Variants in PRKG1 observed in about 807,000 individuals in gnomAD.
PRKG1 encodes cGMP-dependent protein kinase 1.
PRKG1 carries 35 observed loss-of-function variants against 88.1 expected under a neutral mutation model. That is an observed-to-expected ratio of 0.40 (90% CI 0.30 to 0.53). The LOEUF is 0.53. Ranked by LOEUF, PRKG1 falls within the 20% of genes least tolerant of loss-of-function variation. The pLI, the probability that PRKG1 is intolerant of heterozygous loss-of-function variation, is 0.59. For synonymous variants in PRKG1, 303 were observed against 292.5 expected, an observed-to-expected ratio of 1.04 and a Z score of -0.37; for missense variants, 540 against 839.8, an observed-to-expected ratio of 0.64 and a Z score of 4.41.
chr10:51,559,054 T>C (rs1837389481), intron 3 of PRKG1, among the ~76,000 whole-genome samples: 1 of 152,100 alleles, frequency 6.6e-6, no homozygotes, highest in East Asian at 1.9e-4. Flanking sequence ...GGTTCTCTTT[T>C]ATTATTAGTT....
chr10:52,135,921 T>A (rs73342998), intron 8 of PRKG1, among the ~76,000 whole-genome samples: 3 of 152,144 alleles, frequency 2.0e-5, no homozygotes, highest in Admixed American at 6.6e-5. Context: ...TTTGGGGAAA[T>A]CCTTTCATTT....
intron 4 of PRKG1, among the ~76,000 whole-genome samples, chr10:51,810,548 C>T (rs1839427087): frequency 1.3e-5 from 2 of 152,116 alleles, no homozygotes; most frequent in Non-Finnish European, 2.9e-5. Flanking sequence ...TGTAAAGCTT[C>T]CTTATTCTTT....
intron 2 of PRKG1, among the ~76,000 whole-genome samples, chr10:51,250,306 G>C (rs981418483): frequency 1.6e-4 from 24 of 151,870 alleles, no homozygotes; most frequent in Non-Finnish European, 2.8e-4. Flanking sequence ...GTTTAGCAAC[G>C]TATCAATTTA....
At chr10:52,275,200 T>C (rs1483555592) in intron 12 of PRKG1, among the ~76,000 whole-genome samples, 3 of 152,154 alleles carry the variant, frequency 2.0e-5, no homozygotes, top group Non-Finnish European at 4.4e-5. Flanking sequence ...GTCCCAGCTA[T>C]TTATCTTTGT....
intron 9 of PRKG1, among the ~76,000 whole-genome samples, chr10:52,222,251 C>T (rs1840264084): frequency 6.6e-6 from 1 of 152,122 alleles, no homozygotes; most frequent in South Asian, 2.1e-4. Flanking sequence ...CCTGCTTCTG[C>T]CCCTCTCCTG....
chr10:51,970,218 T>C (rs1310609098), intron 5 of PRKG1, among the ~76,000 whole-genome samples: 1 of 151,994 alleles, frequency 6.6e-6, no homozygotes, highest in Non-Finnish European at 1.5e-5. Context: ...ATTGATATAA[T>C]GCTTTTCAAT....
intron 5 of PRKG1, among the ~76,000 whole-genome samples, chr10:52,033,337 T>G (rs1213946590): frequency 6.6e-6 from 1 of 152,156 alleles, no homozygotes; most frequent in Non-Finnish European, 1.5e-5. Flanking sequence ...ACGTACCTGG[T>G]CAAAGTTGAT....
chr10:51,206,220 G>A (rs1011584195), intron 2 of PRKG1, among the ~76,000 whole-genome samples: 3 of 151,942 alleles, frequency 2.0e-5, no homozygotes, highest in African/African-American at 7.3e-5. Context: ...GGCTGGGCGC[G>A]GTGGTTCACG....
intron 1 of PRKG1, among the ~76,000 whole-genome samples, chr10:51,013,938 G>A (rs1283107172): frequency 6.6e-6 from 1 of 151,838 alleles, no homozygotes; most frequent in African/African-American, 2.4e-5. Context: ...AACATCTTCT[G>A]GGTTAAAAAA....
At chr10:51,098,269 T>C (rs1844590986) in intron 1 of PRKG1, among the ~76,000 whole-genome samples, 1 of 152,230 alleles carries the variant, frequency 6.6e-6, no homozygotes, top group Non-Finnish European at 1.5e-5. Context: ...CTCAGTCTCA[T>C]CTTCACATCT....
intron 4 of PRKG1, among the ~76,000 whole-genome samples, chr10:51,896,746 TA>T: frequency 6.6e-6 from 1 of 151,486 alleles, no homozygotes; most frequent in South Asian, 2.1e-4. Flanking sequence ...AGCCTAAACT[TA>T]ACCCGATTTC....
At chr10:52,170,797 A>G (rs1838647711) in intron 9 of PRKG1, among the ~76,000 whole-genome samples, 2 of 152,368 alleles carry the variant, frequency 1.3e-5, no homozygotes, top group African/African-American at 4.8e-5. Context: ...TGACAGCAAT[A>G]AAAGATGTTC....
At chr10:51,686,233 A>G (rs1840987290) in intron 3 of PRKG1, among the ~76,000 whole-genome samples, 1 of 152,094 alleles carries the variant, frequency 6.6e-6, no homozygotes, top group Admixed American at 6.6e-5. Flanking sequence ...TTGGTGTACA[A>G]TTAATTTTAT....
chr10:51,540,832 C>T (rs1290631668), intron 3 of PRKG1, among the ~76,000 whole-genome samples: 3 of 152,072 alleles, frequency 2.0e-5, no homozygotes. Flanking sequence ...AATTCTCCTG[C>T]CACAGCCTCC....
chr10:51,232,429 G>C (rs1230640063), intron 2 of PRKG1, among the ~76,000 whole-genome samples: 1 of 152,132 alleles, frequency 6.6e-6, no homozygotes. Context: ...GTTTGAGATA[G>C]ACACTTTGAT....
intron 5 of PRKG1, among the ~76,000 whole-genome samples, chr10:52,009,255 T>C: frequency 6.6e-6 from 1 of 152,188 alleles, no homozygotes; most frequent in Non-Finnish European, 1.5e-5. Context: ...GATGATGTGA[T>C]TCTATATCTA....
chr10:51,922,667 A>G (rs577806905), intron 5 of PRKG1, among the ~76,000 whole-genome samples: 1 of 151,896 alleles, frequency 6.6e-6, no homozygotes, highest in Non-Finnish European at 1.5e-5. Context: ...ATGTTATTTT[A>G]AAAATGTGTT....
rs58088751 is a variant in PRKG1, at chr10:51,975,691, A to G, written c.762+68121A>G. On this transcript the variant is annotated intron_variant, in intron 5 of 17. Coordinates refer to ENST00000373980, the MANE Select transcript of PRKG1 (RefSeq NM_006258.4). ...GTTGATAGTACTGTATGCTAAAAGT[A>G]TAAAACTCTTAGAAGGAAACATAAG... 9.6e-3 allele frequency among the ~76,000 whole-genome samples: 1,461 copies of G among 152,234 alleles called. 27 individuals carry two copies. The highest frequency in any genetic ancestry group is 0.034 in the African/African-American group (1,392 of 41,550).
At chr10:51,669,786 C>T (rs1272663894) in intron 3 of PRKG1, among the ~76,000 whole-genome samples, 5 of 152,152 alleles carry the variant, frequency 3.3e-5, no homozygotes, top group Admixed American at 6.5e-5. Context: ...ACTTGATTTA[C>T]AGCCTAGAAT....
Sources: gnomAD v4.1 joint callset for allele counts (sites outside exome capture counted in the v4.1 genomes callset) on GRCh38, gnomAD v4.1.1 for gene constraint, MANE v1.5 for transcripts, NCBI Gene and HGNC (gene_info 2026-07-23, HGNC 2026-07-21) for gene names.